NOL4: variants seen among roughly 807,000 people sequenced by gnomAD.
NOL4 encodes the protein cancer/testis antigen 125.
In NOL4, 17 loss-of-function variants were observed where a neutral mutation model predicts 75.9. The ratio of observed to expected loss-of-function variants is 0.22; its 90% CI spans 0.15 to 0.34. The LOEUF (loss-of-function observed/expected upper bound fraction) is 0.34. Among genes scored for constraint, NOL4 ranks in the 10% least tolerant of loss-of-function variants. The pLI is 1.00. For synonymous variants in NOL4, 292 were observed against 289.9 expected (o/e 1.01, Z -0.07); for missense variants, 614 against 793.5 (o/e 0.77, Z 2.72).
At chr18:33,981,419 G>A (rs184602149) in intron 6 of NOL4, among the ~76,000 whole-genome samples, 1 of 151,652 alleles carries the variant, frequency 6.6e-6, no homozygotes, top group African/African-American at 2.4e-5. Flanking sequence ...TAATGATAAA[G>A]AAAAATCTTG....
intron 9 of NOL4, among the ~76,000 whole-genome samples, chr18:33,934,673 T>C (rs2067933678): frequency 6.6e-6 from 1 of 152,138 alleles, no homozygotes; most frequent in South Asian, 2.1e-4. Flanking sequence ...TTCTGACTTT[T>C]CTCCTGCAGC....
intron 1 of NOL4, chr18:34,222,098 G>T (rs1177803774): frequency 6.5e-7 from 1 of 1,534,084 alleles, no homozygotes; most frequent in Admixed American, 2.0e-5. Context: ...TTCTTGTGAA[G>T]AAAATCGACG....
At chr18:34,025,205 C>T (rs1902326200) in intron 5 of NOL4, among the ~76,000 whole-genome samples, 1 of 152,068 alleles carries the variant, frequency 6.6e-6, no homozygotes, top group Non-Finnish European at 1.5e-5. Flanking sequence ...AGAATGGTCC[C>T]ATTTTTTAAA....
chr18:33,916,185 G>A (rs2066711121), intron 9 of NOL4, among the ~76,000 whole-genome samples: 1 of 152,012 alleles, frequency 6.6e-6, no homozygotes, highest in Non-Finnish European at 1.5e-5. Context: ...TTCTGATTGG[G>A]GAAAGTTAGT....
intron 6 of NOL4, among the ~76,000 whole-genome samples, chr18:33,998,941 A>C (rs536625232): frequency 6.6e-6 from 1 of 152,226 alleles, no homozygotes; most frequent in African/African-American, 2.4e-5. Context: ...GAATGTAAAA[A>C]ACAATGTGGA....
rs1283989147 is a variant in NOL4 at position 33,852,315 on chromosome 18, T to C, written c.*527A>G. The C allele has an allele frequency of 1.3e-5, 2 of 152,388 alleles. No homozygotes were observed. Among genetic ancestry groups the C allele is most frequent in the South Asian group, 2.1e-4 (1 of 4,824 alleles). 9.4% of individuals were successfully genotyped at this position (152,388 alleles called of 1,614,324 possible). On this transcript the variant is annotated 3_prime_UTR_variant, in exon 11 of 11. Coordinates refer to ENST00000261592, the MANE Select transcript of NOL4 (RefSeq NM_003787.5). Reference sequence around the variant, plus strand: ...TATGAAAAAGTTACCAAAGTAAAAATGACAAGTTTGAATGAAAAACAAGTT... The same window carrying C: ...TATGAAAAAGTTACCAAAGTAAAAACGACAAGTTTGAATGAAAAACAAGTT...
chr18:34,111,100 T>G (rs1013519735), intron 2 of NOL4, among the ~76,000 whole-genome samples: 3 of 152,106 alleles, frequency 2.0e-5, no homozygotes, highest in African/African-American at 7.2e-5. Context: ...GATAACCAAA[T>G]GTGGAAGAAA....
intron 5 of NOL4, among the ~76,000 whole-genome samples, chr18:34,077,092 G>A (rs1031326432): frequency 6.6e-6 from 1 of 152,096 alleles, no homozygotes; most frequent in Admixed American, 6.6e-5. Context: ...GATCACTTGA[G>A]TCCAGGAGTT....
chr18:34,017,744 G>C (rs1600264520), intron 6 of NOL4, among the ~76,000 whole-genome samples: 1 of 152,022 alleles, frequency 6.6e-6, no homozygotes. Context: ...TTCAAAGGTG[G>C]ACTTTGCTTA....
intron 6 of NOL4, among the ~76,000 whole-genome samples, chr18:33,978,836 G>A (rs1252039544): frequency 6.6e-6 from 1 of 151,280 alleles, no homozygotes; most frequent in Non-Finnish European, 1.5e-5. Flanking sequence ...TTGTTATATT[G>A]TTAATTTTAA....
chr18:33,883,289 C>T lies in NOL4; in HGVS notation c.1678G>A (p.Gly560Arg), dbSNP rs2064422826. ...NGTYSYHSYR[G>R]LGGGLLNLND... ...AGATTTAGCAGACCCCCTCCTAGCC[C>T]TCTGTAACTATGGTAACTATAGGTC... is the stretch of plus-strand genomic sequence containing the variant. Residue 560 changes from glycine (G) to arginine (R), a missense_variant, in exon 10 of 11, where the codon GGG (glycine) becomes AGG (arginine). Transcript: ENST00000261592. 6.2e-7 allele frequency: 1 copy of T among 1,612,738 alleles called. No individual in the cohort carries two copies. Among genetic ancestry groups the T allele is most frequent in the Non-Finnish European group, 8.5e-7 (1 of 1,179,242 alleles).
At chr18:34,042,073 A>G (rs964151106) in intron 5 of NOL4, among the ~76,000 whole-genome samples, 8 of 152,038 alleles carry the variant, frequency 5.3e-5, no homozygotes, top group African/African-American at 1.4e-4. Context: ...ACTTTTTTCT[A>G]TAAATACAAA....
chr18:33,904,244 T>C (rs1313857974), intron 9 of NOL4, among the ~76,000 whole-genome samples: 6 of 152,076 alleles, frequency 3.9e-5, no homozygotes, highest in Non-Finnish European at 8.8e-5. Context: ...CTAGGGCAGG[T>C]AGCCACACTA....
At chr18:33,934,466 CG>C (rs2067920907) in intron 9 of NOL4, among the ~76,000 whole-genome samples, 1 of 152,150 alleles carries the variant, frequency 6.6e-6, no homozygotes, top group Non-Finnish European at 1.5e-5. Flanking sequence ...TGATTCACTA[CG>C]ATGATGTAGT....
At chr18:33,886,776 T>TATATATCTATAG in intron 9 of NOL4, among the ~76,000 whole-genome samples, 1 of 142,370 alleles carries the variant, frequency 7.0e-6, no homozygotes, top group African/African-American at 2.7e-5. Context: ...TATATCTATA[T>TATATATCTATAG]ATATATATCT....
chr18:33,866,461 T>C (rs1342410596), intron 10 of NOL4, among the ~76,000 whole-genome samples: 3 of 152,158 alleles, frequency 2.0e-5, no homozygotes, highest in African/African-American at 7.2e-5. Flanking sequence ...GGGGGTTTTC[T>C]ACACATTAAT....
At chr18:33,988,034 G>A (rs1417454970) in intron 6 of NOL4, among the ~76,000 whole-genome samples, 1 of 152,076 alleles carries the variant, frequency 6.6e-6, no homozygotes, top group African/African-American at 2.4e-5. Flanking sequence ...CCTGGAGGAG[G>A]TCAAACACAG....
chr18:34,222,916 C>G (rs1000780671), intron 1 of NOL4, 74 bp downstream of exon 1: 2 of 1,558,600 alleles, frequency 1.3e-6, no homozygotes, highest in Admixed American at 3.4e-5. Context: ...CCCCCTCTCT[C>G]CCGCCTCTCT....
chr18:33,944,452 G>T, intron 8 of NOL4, among the ~76,000 whole-genome samples: 1 of 151,828 alleles, frequency 6.6e-6, no homozygotes, highest in Non-Finnish European at 1.5e-5. Flanking sequence ...CTGACCTTGG[G>T]TGAACTAGGA....
Sources: allele counts gnomAD v4.1 joint callset (sites outside exome capture counted in the v4.1 genomes callset), GRCh38; gene constraint gnomAD v4.1.1; transcripts MANE v1.5; gene names NCBI Gene and HGNC (gene_info 2026-07-23, HGNC 2026-07-21).